Variants in NEK1 observed in about 807,000 individuals in gnomAD.
The protein encoded by NEK1 is NIMA related kinase 1, also known as serine/threonine-protein kinase Nek1.
NEK1 carries 137 observed loss-of-function variants against 182.1 expected under a neutral mutation model. The observed-to-expected ratio is 0.75, with a 90% CI of 0.65 to 0.87. The LOEUF is 0.87. NEK1 is among the 40% of genes least tolerant of loss of function. The pLI is 0.00. For missense variants in NEK1, 1,391 were observed against 1,494.4 expected, an observed-to-expected ratio of 0.93 and a Z score of 1.14; for synonymous variants, 513 against 492.2, an observed-to-expected ratio of 1.04 and a Z score of -0.56.
At chr4:169,577,122 A>G in intron 11 of NEK1, 43 bp from the exon 12 acceptor site, 2 of 1,585,850 alleles carry the variant, frequency 1.3e-6, no homozygotes, top group South Asian at 1.1e-5. Flanking sequence ...AGTTCTTTAC[A>G]TTAACTCTTT....
rs376784817 is a variant in NEK1 at position 169,590,760 on chromosome 4, T to G, written c.362A>C (p.Asp121Ala). 11 of 1,599,090 alleles carry G rather than the reference T, an allele frequency of 6.9e-6. No homozygotes were observed. In the African/African-American group the frequency reaches 1.2e-4, roughly 18 times the overall value. ...AATGTCTCGATGAAGAATTTTTCTA[T>G]CATGTACATGTTTCAGGGCCAAACA... ...QICLALKHVH[D>A]RKILHRDIKS... The change falls in exon 6 of 36, where the codon GAT becomes GCT. Residue 121 changes from aspartate to alanine, a missense_variant. Physicochemically the swap from Asp to Ala is moderately radical, Grantham distance 126 (BLOSUM62 -2). Transcript: ENST00000507142.
chr4:169,532,778 GAAAAAAAAAATATGA>G (rs1264196656), intron 19 of NEK1, among the ~76,000 whole-genome samples: 4 of 88,930 alleles, frequency 4.5e-5, no homozygotes, highest in African/African-American at 8.7e-5. Context: ...TATCTCTACT[GAAAAAAAAAATATGA>G]AAAAAAAAAT....
At chr4:169,431,074 TAA>T (rs1737337650) in intron 29 of NEK1, among the ~76,000 whole-genome samples, 1 of 152,120 alleles carries the variant, frequency 6.6e-6, no homozygotes, top group African/African-American at 2.4e-5. Flanking sequence ...ACTAGATATT[TAA>T]ATACAAAAAT....
Position 169,590,786 on chromosome 4 carries a change from T to C in NEK1, c.336A>G (p.Ile112Met), listed in dbSNP as rs764374761. 1.9e-6 allele frequency: 3 copies of C among 1,598,144 alleles called. No homozygotes were observed. Among genetic ancestry groups the C allele is most frequent in the Non-Finnish European group, 2.6e-6 (3 of 1,171,632 alleles). Residue 112 changes from isoleucine (I) to methionine (M), a missense_variant, in exon 6 of 36, where the codon ATA becomes ATG. Transcript: ENST00000507142. ...EDQILDWFVQ[I>M]CLALKHVHDR... Reference sequence around the variant, plus strand: ...CATGTACATGTTTCAGGGCCAAACATATCTGTACAAACCAGTCCAAAATCT... The same window carrying C: ...CATGTACATGTTTCAGGGCCAAACACATCTGTACAAACCAGTCCAAAATCT...
At chr4:169,594,551 TTA>T (rs1396688688) in intron 5 of NEK1, among the ~76,000 whole-genome samples, 5 of 152,212 alleles carry the variant, frequency 3.3e-5, no homozygotes, top group Admixed American at 3.3e-4. Context: ...TATCATTTGG[TTA>T]TGTTTTTTGA....
chr4:169,421,674 T>C (rs1015287146), intron 31 of NEK1, among the ~76,000 whole-genome samples: 2 of 152,172 alleles, frequency 1.3e-5, no homozygotes, highest in African/African-American at 4.8e-5. Flanking sequence ...TCTAGGACCA[T>C]GATGGTTAAG....
intron 23 of NEK1, among the ~76,000 whole-genome samples, chr4:169,505,797 A>G (rs1753155225): frequency 1.3e-5 from 2 of 152,246 alleles, no homozygotes; most frequent in South Asian, 4.1e-4. Flanking sequence ...CTCACTGGAT[A>G]AGAGGATAAG....
chr4:169,565,147 G>A (rs1185698508), intron 12 of NEK1, among the ~76,000 whole-genome samples: 1 of 152,164 alleles, frequency 6.6e-6, no homozygotes, highest in Non-Finnish European at 1.5e-5. Flanking sequence ...AGACATTAGA[G>A]TTGATGAGAT....
intron 27 of NEK1, among the ~76,000 whole-genome samples, chr4:169,448,864 T>C (rs754611585): frequency 1.4e-4 from 21 of 152,210 alleles, no homozygotes; most frequent in Non-Finnish European, 2.5e-4. Context: ...TCACCTCACC[T>C]GGGAAGCGCA....
intron 23 of NEK1, among the ~76,000 whole-genome samples, chr4:169,483,158 G>A (rs1748399545): frequency 6.6e-6 from 1 of 152,142 alleles, no homozygotes; most frequent in South Asian, 2.1e-4. Context: ...TTTTGTCTTA[G>A]GGAATAAGAT....
intron 5 of NEK1, among the ~76,000 whole-genome samples, chr4:169,596,576 CTAGAT>C (rs1769531303): frequency 6.6e-6 from 1 of 152,164 alleles, no homozygotes; most frequent in African/African-American, 2.4e-5. Flanking sequence ...CTTAACCTGA[CTAGAT>C]TTTTGTCCAG....
chr4:169,483,352 G>A (rs1748445560), intron 23 of NEK1, among the ~76,000 whole-genome samples: 1 of 152,234 alleles, frequency 6.6e-6, no homozygotes, highest in African/African-American at 2.4e-5. Context: ...ACAAAAATGT[G>A]ACACAAAGAC....
At chr4:169,429,286 TG>T (rs1486661866) in intron 29 of NEK1, among the ~76,000 whole-genome samples, 7 of 152,204 alleles carry the variant, frequency 4.6e-5, no homozygotes, top group Non-Finnish European at 1.5e-5. Context: ...TGCAAATTAT[TG>T]GCTGTGACTC....
At chr4:169,535,619 C>A (rs1399449580) in intron 19 of NEK1, among the ~76,000 whole-genome samples, 1 of 152,048 alleles carries the variant, frequency 6.6e-6, no homozygotes, top group Non-Finnish European at 1.5e-5. Flanking sequence ...GGGCTCACGT[C>A]TGTAATCCCA....
chr4:169,406,906 A>T (rs527653263), intron 31 of NEK1, among the ~76,000 whole-genome samples, 159 bp from the exon 32 acceptor site: 106 of 150,816 alleles, frequency 7.0e-4, no homozygotes, highest in Middle Eastern at 7.0e-3. Context: ...ACATATAAAA[A>T]ATATATATAT....
chr4:169,554,537 A>C (rs550670088), intron 18 of NEK1: 1 of 152,242 alleles, frequency 6.6e-6, no homozygotes, highest in East Asian at 1.9e-4. Context: ...CCTTAAATGC[A>C]TATTAGTAAG....
intron 27 of NEK1, among the ~76,000 whole-genome samples, chr4:169,452,098 C>T (rs542329061): frequency 1.3e-5 from 2 of 152,298 alleles, no homozygotes; most frequent in African/African-American, 4.8e-5. Context: ...TAACAATATA[C>T]TCTCCCAAGA....
At chr4:169,538,117 A>G (rs1758803475) in intron 18 of NEK1, among the ~76,000 whole-genome samples, 1 of 152,146 alleles carries the variant, frequency 6.6e-6, no homozygotes, top group Non-Finnish European at 1.5e-5. Context: ...AGTAAAATCT[A>G]TAATTCTACT....
At chr4:169,483,629 G>T (rs1748496837) in intron 23 of NEK1, among the ~76,000 whole-genome samples, 2 of 152,182 alleles carry the variant, frequency 1.3e-5, no homozygotes, top group African/African-American at 4.8e-5. Context: ...CACTTTGGGA[G>T]GCCAAGGCGG....
Sources: gnomAD v4.1 joint callset for allele counts (sites outside exome capture counted in the v4.1 genomes callset) on GRCh38, gnomAD v4.1.1 for gene constraint, MANE v1.5 for transcripts, NCBI Gene and HGNC (gene_info 2026-07-23, HGNC 2026-07-21) for gene names.